RRBP1: variants seen among roughly 807,000 people sequenced by gnomAD.
RRBP1 encodes the protein ribosome-binding protein 1.
A neutral mutation model predicts 165.2 loss-of-function variants in RRBP1; 94 were observed. The ratio of observed to expected loss-of-function variants is 0.57; its 90% confidence interval spans 0.48 to 0.68. The LOEUF (loss-of-function observed/expected upper bound fraction) is 0.68. RRBP1 is among the 30% of genes least tolerant of loss of function. RRBP1 has a pLI of 0.00. For synonymous variants in RRBP1, 680 were observed against 714.5 expected, an observed-to-expected ratio of 0.95 and a Z score of 0.77; for missense variants, 1,676 against 1,763.0, an observed-to-expected ratio of 0.95 and a Z score of 0.88.
chr20:17,660,618 C>G (rs760413559), intron 2 of RRBP1, 90 bp from the exon 3 acceptor site: 2 of 770,926 alleles, frequency 2.6e-6, no homozygotes, highest in Non-Finnish European at 4.3e-6. Context: ...TCAGGTTTCA[C>G]TAATTCTTTC....
chr20:17,622,251 C>G (rs1182338789), intron 13 of RRBP1, among the ~76,000 whole-genome samples: 1 of 152,204 alleles, frequency 6.6e-6, no homozygotes. Context: ...ACAGTCTCCA[C>G]CAGCTCTCAC....
intron 4 of RRBP1, 47 bp from the exon 5 acceptor site, chr20:17,641,966 G>C: frequency 2.5e-6 from 4 of 1,589,040 alleles, no homozygotes; most frequent in Non-Finnish European, 3.4e-6. Context: ...AATGGGACTT[G>C]GCTCATCCCC....
intron 5 of RRBP1, among the ~76,000 whole-genome samples, chr20:17,638,520 A>G (rs1324599579): frequency 6.6e-6 from 1 of 152,162 alleles, no homozygotes; most frequent in African/African-American, 2.4e-5. Context: ...CCAGGATTCA[A>G]TGGGATCTTC....
chr20:17,614,236 G>A lies in RRBP1; in HGVS notation c.4195-16C>T, dbSNP rs758155511. 3.7e-6 allele frequency: 6 copies of A among 1,612,212 alleles called. No individual in the cohort carries two copies. The highest frequency in any genetic ancestry group is 1.3e-5 in the African/African-American group (1 of 74,940). On this transcript the variant is annotated splice_polypyrimidine_tract_variant and intron_variant, in intron 24 of 24. Transcript: ENST00000377813. ...TGCCGTCCTCCTGTGAACGAAGGCA[G>A]GTGGCGTGAGGGGGGCTGGGCCACG...
chr20:17,647,802 A>G (rs965912405), intron 3 of RRBP1, among the ~76,000 whole-genome samples: 1 of 152,160 alleles, frequency 6.6e-6, no homozygotes, highest in Non-Finnish European at 1.5e-5. Context: ...AGACACACAC[A>G]TGTAGTCTGA....
Position 17,615,510 on chromosome 20 carries a change from C to T in RRBP1, c.3971G>A (p.Arg1324Gln), listed in dbSNP as rs1132274. The T allele has an allele frequency of 1.3e-4, 202 of 1,605,388 alleles. No homozygotes were observed. The highest frequency in any genetic ancestry group is 1.7e-4 in the Middle Eastern group (1 of 6,022). ...EFEEAQTSAC[R>Q]LQEELEKLRT... The stretch of plus-strand genomic sequence containing the variant: ...GAGCTTCTCCAATTCTTCTTGTAAC[C>T]GACATGCCGAGGTCTGAGCCTTGCC... Residue 1324 changes from arginine to glutamine, a missense_variant, in exon 23 of 25, where the codon CGG becomes CAG. Transcript: ENST00000377813.
intron 17 of RRBP1, 170 bp downstream of exon 17, chr20:17,620,545 C>G (rs767805961): frequency 1.2e-6 from 1 of 807,910 alleles, no homozygotes; most frequent in African/African-American, 1.7e-5. Context: ...TAGGCGGGGG[C>G]CTCCTGGAGG....
intron 3 of RRBP1, among the ~76,000 whole-genome samples, chr20:17,651,328 G>T (rs1238967466): frequency 6.6e-6 from 1 of 152,188 alleles, no homozygotes; most frequent in Non-Finnish European, 1.5e-5. Flanking sequence ...AAGCAATGCA[G>T]CACTGTCTTC....
rs989676563 is a variant in RRBP1 at position 17,624,002 on chromosome 20, C to T, written c.3147+574G>A. 2.6e-5 allele frequency among the ~76,000 whole-genome samples: 4 copies of T among 152,060 alleles called. No homozygotes were observed. In the East Asian group the frequency reaches 5.8e-4, roughly 22 times the overall value. The stretch of plus-strand genomic sequence containing the variant: ...CAGAGGCCCAAGCAGCAGGATTACC[C>T]GACAAAAGGACACACAACAGAAATA... On this transcript the variant is annotated intron_variant, in intron 13 of 24. Transcript: ENST00000377813.
At chr20:17,646,003 G>A (rs774867498) in intron 3 of RRBP1, among the ~76,000 whole-genome samples, 2 of 152,198 alleles carry the variant, frequency 1.3e-5, no homozygotes, top group Non-Finnish European at 2.9e-5. Context: ...ACGCAGGCCA[G>A]TGTCTCACTT....
chr20:17,652,425 G>A (rs904225361), intron 3 of RRBP1, among the ~76,000 whole-genome samples: 1 of 152,030 alleles, frequency 6.6e-6, no homozygotes, highest in East Asian at 1.9e-4. Flanking sequence ...CACCTCCCCT[G>A]CCCAAGTCAA....
At chr20:17,619,960 C>T (rs766409072) in intron 18 of RRBP1, 1 of 544,756 alleles carries the variant, frequency 1.8e-6, no homozygotes, top group Admixed American at 3.5e-5. Flanking sequence ...GATTTACTTG[C>T]AAAAGCAGGT....
intron 2 of RRBP1, among the ~76,000 whole-genome samples, chr20:17,676,443 GT>G (rs1465980496): frequency 6.6e-6 from 1 of 152,114 alleles, no homozygotes; most frequent in African/African-American, 2.4e-5. Flanking sequence ...GGGAGGAGAA[GT>G]CATGTCCAAA....
chr20:17,618,697 G>A lies in RRBP1; in HGVS notation c.3676-18C>T, dbSNP rs772032419. 4 of 1,594,844 alleles carry A rather than the reference G, an allele frequency of 2.5e-6. No homozygotes were observed. The highest frequency in any genetic ancestry group is 3.3e-5 in the Admixed American group (2 of 59,984). ...TGCCTCAGCTTGGGGAGAAAACAGA[G>A]GCGGGTGATGGGAAAAAAGGAGAGA... On this transcript the variant is annotated intron_variant, in intron 19 of 24. Transcript: ENST00000377813.
chr20:17,658,537 C>A (rs1039275454), intron 3 of RRBP1, 59 bp downstream of exon 3: 7 of 1,427,828 alleles, frequency 4.9e-6, no homozygotes, highest in Non-Finnish European at 6.7e-6. Flanking sequence ...CCGAGAGAAT[C>A]CATAAGTCAT....
intron 24 of RRBP1, 56 bp from the exon 25 acceptor site, chr20:17,614,276 C>A: frequency 6.5e-7 from 1 of 1,548,824 alleles, no homozygotes; most frequent in Non-Finnish European, 8.9e-7. Context: ...ATGGCAGAAC[C>A]ACCTGCCCTC....
intron 3 of RRBP1, among the ~76,000 whole-genome samples, chr20:17,651,040 CG>C (rs2036547257): frequency 6.6e-6 from 1 of 152,198 alleles, no homozygotes; most frequent in Non-Finnish European, 1.5e-5. Context: ...TGACAGTACC[CG>C]GAACACGGGG....
intron 9 of RRBP1, 123 bp from the exon 10 acceptor site, chr20:17,627,805 G>A (rs1252575464): frequency 3.3e-6 from 3 of 898,108 alleles, no homozygotes; most frequent in Admixed American, 3.0e-5. Flanking sequence ...TGCCTCCTCT[G>A]TGTGTCTGGG....
At chr20:17,653,563 C>T (rs879512760) in intron 3 of RRBP1, among the ~76,000 whole-genome samples, 3 of 152,238 alleles carry the variant, frequency 2.0e-5, no homozygotes, top group Admixed American at 6.5e-5. Flanking sequence ...TGGCCAGGCG[C>T]GGTGGCTCAC....
Sources: allele counts gnomAD v4.1 joint callset (sites outside exome capture counted in the v4.1 genomes callset), GRCh38; gene constraint gnomAD v4.1.1; transcripts MANE v1.5; gene names NCBI Gene and HGNC (gene_info 2026-07-23, HGNC 2026-07-21).